Variants in CDC40 observed in about 807,000 individuals in gnomAD.
CDC40 encodes the protein cell division cycle 40, also known as pre-mRNA-processing factor 17.
A neutral mutation model predicts 80.6 loss-of-function variants in CDC40; 27 were observed. The observed-to-expected ratio is 0.33, with a 90% CI of 0.25 to 0.46. The LOEUF is 0.46. CDC40 is among the 20% of genes least tolerant of loss of function. CDC40 has a pLI of 1.00. For synonymous variants in CDC40, 221 were observed against 232.6 expected (o/e 0.95, Z 0.45); for missense variants, 486 against 694.1 (o/e 0.70, Z 3.37).
rs761187443 is a variant in CDC40, at chr6:110,193,307, A to G, written c.276+39A>G. ...CTTAAGGTTCTGACTTTTGCTAAAG[A>G]ATTTAAATCATAGTAGATAATTAGG... On this transcript the variant is annotated intron_variant, in intron 2 of 14. Coordinates refer to ENST00000307731, the MANE Select transcript of CDC40 (RefSeq NM_015891.3). The G allele has an allele frequency of 1.4e-5, 17 of 1,173,530 alleles. No individual in the cohort carries two copies. In the East Asian group the frequency reaches 3.5e-4, roughly 24 times the overall value. 72.7% of individuals were successfully genotyped at this position (1,173,530 alleles called of 1,614,324 possible).
chr6:110,220,084 A>G (rs1034258983), intron 12 of CDC40, among the ~76,000 whole-genome samples: 10 of 152,172 alleles, frequency 6.6e-5, no homozygotes, highest in Non-Finnish European at 1.0e-4. Flanking sequence ...TAGTCTTTCC[A>G]AAGGATGTGT....
intron 4 of CDC40, 33 bp downstream of exon 4, chr6:110,207,622 A>G (rs1019570982): frequency 1.9e-6 from 2 of 1,060,810 alleles, no homozygotes; most frequent in Admixed American, 1.7e-5. Context: ...TATCATATAT[A>G]CCTACACATC....
intron 8 of CDC40, among the ~76,000 whole-genome samples, chr6:110,214,149 A>T (rs1018600238): frequency 5.9e-5 from 9 of 152,208 alleles, no homozygotes; most frequent in Admixed American, 4.6e-4. Flanking sequence ...TTAAAATGAC[A>T]GGCCAACATT....
chr6:110,181,371 A>G (rs1005630357), intron 1 of CDC40, among the ~76,000 whole-genome samples: 2 of 152,208 alleles, frequency 1.3e-5, no homozygotes, highest in Non-Finnish European at 2.9e-5. Flanking sequence ...ACTGAGGAAA[A>G]GCTGATGTGT....
At chr6:110,194,492 G>C (rs1489436045) in intron 2 of CDC40, among the ~76,000 whole-genome samples, 1 of 152,172 alleles carries the variant, frequency 6.6e-6, no homozygotes, top group Non-Finnish European at 1.5e-5. Flanking sequence ...AGTTGTCAGT[G>C]CTTGTGTTTA....
chr6:110,209,063 ATT>A lies in CDC40; in HGVS notation c.491-12_491-11del. The A allele has an allele frequency of 6.4e-6, 8 of 1,247,194 alleles. No individual in the cohort carries two copies. The highest frequency in any genetic ancestry group is 1.5e-5 in the South Asian group (1 of 66,008). 77.3% of individuals were successfully genotyped at this position (1,247,194 alleles called of 1,614,324 possible). A position where few individuals can be genotyped will look rare whatever the true frequency, so the allele number is the denominator to read the frequency against. On this transcript the variant is annotated intron_variant, in intron 4 of 14. Transcript: ENST00000307731. The stretch of plus-strand genomic sequence containing the variant: ...TTGTAATCTCTCAGTTTTTTTTTTA[ATT>A]TTTTTTTTGTTAACGTAGGTTTAAC...
At chr6:110,198,906 C>T (rs910856895) in intron 2 of CDC40, 1 of 152,034 alleles carries the variant, frequency 6.6e-6, no homozygotes, top group African/African-American at 2.4e-5. Context: ...AATGGTTGTT[C>T]CAGAACTAAG....
At chr6:110,225,417 A>AT (rs1050292158) in intron 12 of CDC40, among the ~76,000 whole-genome samples, 3 of 144,792 alleles carry the variant, frequency 2.1e-5, no homozygotes, top group African/African-American at 2.5e-5. Context: ...CTACTTTTTA[A>AT]TTTTTTTTTC....
At chr6:110,200,008 G>T (rs187237206) in intron 2 of CDC40, among the ~76,000 whole-genome samples, 3 of 152,222 alleles carry the variant, frequency 2.0e-5, no homozygotes, top group Admixed American at 2.0e-4. Flanking sequence ...GCTACTTCTA[G>T]CATTCAGCAA....
chr6:110,220,122 G>T (rs1387968593), intron 12 of CDC40, among the ~76,000 whole-genome samples: 1 of 152,084 alleles, frequency 6.6e-6, no homozygotes, highest in Non-Finnish European at 1.5e-5. Context: ...TTATACGGAT[G>T]ACAGATTTGT....
rs368971050 is a variant in CDC40, at chr6:110,201,525, T to C, written c.277-33T>C. ...ACTCAGAACTTTTGTGTCTTTCTTA[T>C]TTTATTTTATTTTTTTTCTTGTAAC... is the stretch of plus-strand genomic sequence containing the variant. On this transcript the variant is annotated intron_variant, in intron 2 of 14. Transcript: ENST00000307731. 5.6e-4 allele frequency: 845 copies of C among 1,520,712 alleles called. 10 individuals are homozygous for C. Among genetic ancestry groups the C allele is most frequent in the Middle Eastern group, 1.7e-4 (1 of 5,798 alleles). 94.2% of individuals were successfully genotyped at this position (1,520,712 alleles called of 1,614,324 possible).
At chr6:110,199,450 C>T (rs928398830) in intron 2 of CDC40, among the ~76,000 whole-genome samples, 7 of 151,156 alleles carry the variant, frequency 4.6e-5, no homozygotes, top group Admixed American at 1.3e-4. Context: ...AAAAATTAGC[C>T]GGGTGTGGTG....
intron 13 of CDC40, among the ~76,000 whole-genome samples, chr6:110,227,223 A>G (rs1777876077): frequency 6.6e-6 from 1 of 152,202 alleles, no homozygotes; most frequent in African/African-American, 2.4e-5. Flanking sequence ...CAATATACTG[A>G]TGTAATTATA....
chr6:110,208,766 A>AT (rs1777595191), intron 4 of CDC40, among the ~76,000 whole-genome samples: 1 of 152,122 alleles, frequency 6.6e-6, no homozygotes, highest in Admixed American at 6.5e-5. Context: ...CAGCTTTTTG[A>AT]TTCAATAAAA....
At chr6:110,208,002 T>G (rs1777587550) in intron 4 of CDC40, among the ~76,000 whole-genome samples, 1 of 152,236 alleles carries the variant, frequency 6.6e-6, no homozygotes, top group Non-Finnish European at 1.5e-5. Flanking sequence ...GAAGAGTTGC[T>G]TTGAAGGTTG....
chr6:110,209,049 C>G, intron 4 of CDC40, 35 bp from the exon 5 acceptor site: 1 of 1,219,558 alleles, frequency 8.2e-7, no homozygotes, highest in South Asian at 1.4e-5. Flanking sequence ...TGTAATCTCT[C>G]AGTTTTTTTT....
At chr6:110,221,369 C>G (rs748572198) in intron 12 of CDC40, among the ~76,000 whole-genome samples, 1 of 152,172 alleles carries the variant, frequency 6.6e-6, no homozygotes, top group Non-Finnish European at 1.5e-5. Flanking sequence ...AGGTCCCTAA[C>G]CATTGTCAGG....
intron 3 of CDC40, among the ~76,000 whole-genome samples, chr6:110,204,073 C>T (rs897778235): frequency 1.3e-5 from 2 of 152,046 alleles, no homozygotes; most frequent in Non-Finnish European, 2.9e-5. Flanking sequence ...AGTGCAGTGG[C>T]GCGATCTCAG....
At chr6:110,207,677 A>G in intron 4 of CDC40, 88 bp downstream of exon 4, 1 of 751,680 alleles carries the variant, frequency 1.3e-6, no homozygotes, top group Non-Finnish European at 2.3e-6. Context: ...ACAGTAAAAA[A>G]TAGTATTTAG....
Sources: allele counts gnomAD v4.1 joint callset (sites outside exome capture counted in the v4.1 genomes callset), GRCh38; gene constraint gnomAD v4.1.1; transcripts MANE v1.5; gene names NCBI Gene and HGNC (gene_info 2026-07-23, HGNC 2026-07-21).